Variants in FRG1 observed in about 807,000 individuals in gnomAD.
FRG1 encodes the protein protein FRG1.
Under a neutral mutation model 37.0 loss-of-function variants are expected in FRG1, and 19 were observed. That is an observed-to-expected ratio of 0.51 (90% CI 0.36 to 0.75). The LOEUF (loss-of-function observed/expected upper bound fraction) is 0.75. Ranked by LOEUF, FRG1 falls within the 30% of genes least tolerant of loss-of-function variation. The pLI is 0.00. For missense variants in FRG1, 243 were observed against 301.4 expected, an observed-to-expected ratio of 0.81 and a Z score of 1.44; for synonymous variants, 73 against 96.5, an observed-to-expected ratio of 0.76 and a Z score of 1.43.
intron 5 of FRG1, among the ~76,000 whole-genome samples, chr4:189,956,927 A>C (rs995257191): frequency 6.6e-6 from 1 of 152,228 alleles, no homozygotes; most frequent in African/African-American, 2.4e-5. Context: ...TTCACACACA[A>C]AAGTCCCTCA....
At chr4:189,951,167 G>T (rs1736736672) in intron 2 of FRG1, among the ~76,000 whole-genome samples, 1 of 152,046 alleles carries the variant, frequency 6.6e-6, no homozygotes, top group Admixed American at 6.6e-5. Flanking sequence ...CATAGATTCT[G>T]CTCATTTTAC....
intron 5 of FRG1, among the ~76,000 whole-genome samples, chr4:189,956,937 A>C (rs1167226777): frequency 2.0e-5 from 3 of 152,240 alleles, no homozygotes; most frequent in Non-Finnish European, 4.4e-5. Flanking sequence ...AAAGTCCCTC[A>C]GACATTGATT....
rs775430543 is a variant in FRG1 at position 189,940,969 on chromosome 4, G to C, written c.-41G>C. The C allele has an allele frequency of 1.1e-5, 18 of 1,570,272 alleles. No individual in the cohort carries two copies. In the East Asian group the frequency reaches 3.1e-4, roughly 27 times the overall value. ...CTGCCCCGACTCACATACTCGTCCA[G>C]AACCGGCCTCAGCCTCTCCGCGCAG... On this transcript the variant is annotated 5_prime_UTR_variant, in exon 1 of 9. Transcript: ENST00000226798.
intron 1 of FRG1, chr4:189,941,800 C>T (rs1579613583): frequency 2.4e-6 from 1 of 408,234 alleles, no homozygotes; most frequent in Non-Finnish European, 4.9e-6. Flanking sequence ...AATACCTGTG[C>T]ACTCATATCC....
chr4:189,948,967 C>T (rs1736643574), intron 2 of FRG1, among the ~76,000 whole-genome samples: 1 of 152,242 alleles, frequency 6.6e-6, no homozygotes, highest in African/African-American at 2.4e-5. Flanking sequence ...TGCTGGATTA[C>T]AGGCATGCCA....
In FRG1 at chr4:189,950,824, TAAGTAAA is replaced by T. The variant is rs563682355; in HGVS notation, c.134-1336_134-1330del. Among the ~76,000 whole-genome samples, 79 of 152,330 alleles carry T rather than the reference TAAGTAAA, an allele frequency of 5.2e-4. 1 individual carries two copies. The highest frequency in any genetic ancestry group is 1.9e-3 in the African/African-American group (78 of 41,586). On this transcript the variant is annotated intron_variant, in intron 2 of 8. Coordinates refer to ENST00000226798, the MANE Select transcript of FRG1 (RefSeq NM_004477.3). ...ACACACATTTTTTCTTAGAAAATTT[TAAGTAAA>T]ATCACAGATGTTATGTCATTTTACC... is the stretch of plus-strand genomic sequence containing the variant.
rs187137292 is a variant in FRG1 at position 189,953,357 on chromosome 4, C to T, written c.317+232C>T. Among the ~76,000 whole-genome samples, 16 of 151,974 alleles carry T rather than the reference C, an allele frequency of 1.1e-4. No individual in the cohort carries two copies. The East Asian group carries it at 3.1e-3, about 29-fold the overall frequency. On this transcript the variant is annotated intron_variant, in intron 4 of 8. Coordinates refer to ENST00000226798, the MANE Select transcript of FRG1 (RefSeq NM_004477.3). ...AAGTGAAGATTAATAATTTCACATA[C>T]CGAATAAGATAGATTAAAAAATGAA... is the stretch of plus-strand genomic sequence containing the variant.
rs556495205 is a variant in FRG1, at chr4:189,952,069, TAAG to T, written c.134-89_134-87del. The T allele has an allele frequency of 1.5e-3, 1,319 of 878,182 alleles. 16 individuals carry two copies. The African/African-American group carries it at 0.019, about 13-fold the overall frequency. 54.4% of individuals were successfully genotyped at this position (878,182 alleles called of 1,614,324 possible). A position where few individuals can be genotyped will look rare whatever the true frequency, so the allele number is the denominator to read the frequency against. Reference sequence around the variant, plus strand: ...TGTATTATTTCTTACAACTGCAAAATAAGAAGTTTTTAAAATTAAGTTATAATA... The same window carrying T: ...TGTATTATTTCTTACAACTGCAAAATAAGTTTTTAAAATTAAGTTATAATA... On this transcript the variant is annotated intron_variant, in intron 2 of 8. Transcript: ENST00000226798.
At chr4:189,946,512 T>C (rs1736535926) in intron 2 of FRG1, among the ~76,000 whole-genome samples, 1 of 152,144 alleles carries the variant, frequency 6.6e-6, no homozygotes, top group Non-Finnish European at 1.5e-5. Flanking sequence ...CTTTAACTTA[T>C]TTTCAGTTTA....
chr4:189,941,497 G>A (rs1486796762), intron 1 of FRG1, among the ~76,000 whole-genome samples: 2 of 152,212 alleles, frequency 1.3e-5, no homozygotes, highest in Non-Finnish European at 2.9e-5. Flanking sequence ...AAACCAGGAT[G>A]AATCACACAG....
intron 2 of FRG1, among the ~76,000 whole-genome samples, chr4:189,947,253 G>A (rs957659895): frequency 1.4e-4 from 22 of 152,190 alleles, no homozygotes; most frequent in African/African-American, 5.3e-4. Context: ...TGATAGTTAT[G>A]TTAAAATCTC....
intron 2 of FRG1, among the ~76,000 whole-genome samples, chr4:189,947,561 C>T (rs549715928): frequency 1.3e-5 from 2 of 152,304 alleles, no homozygotes; most frequent in African/African-American, 4.8e-5. Context: ...GCCTCAGCCA[C>T]ATGTTCTAGG....
In FRG1 at chr4:189,955,074, A is replaced by G; in HGVS notation, c.355A>G (p.Ile119Val). 6.2e-7 allele frequency: 1 copy of G among 1,613,412 alleles called. No homozygotes were observed. ...LKSGYGKYLG[I>V]NSDGLVVGRS... Reference sequence around the variant, plus strand: ...GTCTGGCTATGGAAAATATCTTGGTATAAATTCAGATGGACTTGTTGTTGG... The same window carrying G: ...GTCTGGCTATGGAAAATATCTTGGTGTAAATTCAGATGGACTTGTTGTTGG... The change falls in exon 5 of 9, where the codon ATA (isoleucine) becomes GTA (valine). Residue 119 changes from isoleucine (I) to valine (V), a missense_variant. Transcript: ENST00000226798.
intron 2 of FRG1, among the ~76,000 whole-genome samples, chr4:189,951,388 A>G (rs186689616): frequency 7.8e-4 from 118 of 151,840 alleles, no homozygotes; most frequent in African/African-American, 2.7e-3. Flanking sequence ...CTACTCGGGA[A>G]GCTGAGGCAG....
At chr4:189,948,746 A>G (rs956421410) in intron 2 of FRG1, among the ~76,000 whole-genome samples, 5 of 152,292 alleles carry the variant, frequency 3.3e-5, no homozygotes, top group African/African-American at 2.4e-5. Flanking sequence ...GCTGGAGTGC[A>G]GTGACATGAT....
At chr4:189,946,548 A>G (rs1219175726) in intron 2 of FRG1, among the ~76,000 whole-genome samples, 2 of 151,852 alleles carry the variant, frequency 1.3e-5, no homozygotes, top group African/African-American at 2.4e-5. Flanking sequence ...ATTGCTTCTT[A>G]GGAAGGGAGT....
intron 5 of FRG1, among the ~76,000 whole-genome samples, chr4:189,956,358 A>G (rs1215287939): frequency 6.6e-6 from 1 of 152,238 alleles, no homozygotes; most frequent in Non-Finnish European, 1.5e-5. Flanking sequence ...AAAGGCCAAT[A>G]TATCATAAGG....
At position 189,953,144 on chromosome 4, in the gene FRG1, A is replaced by G. The variant is rs763751300; in HGVS notation, c.317+19A>G. ...ATTCCAGGTGAGCTTATGTTGTAATATAATTAGTAACCAGTTATTTTAAAA... is the reference window on the plus strand; with the variant it reads ...ATTCCAGGTGAGCTTATGTTGTAATGTAATTAGTAACCAGTTATTTTAAAA... On this transcript the variant is annotated intron_variant, in intron 4 of 8. Transcript: ENST00000226798. 5.8e-6 allele frequency: 9 copies of G among 1,550,290 alleles called. No individual in the cohort carries two copies. In the Middle Eastern group the frequency reaches 1.7e-3, roughly 288 times the overall value.
At chr4:189,953,017 T>C in intron 3 of FRG1, 51 bp from the exon 4 acceptor site, 1 of 1,525,188 alleles carries the variant, frequency 6.6e-7, no homozygotes, top group East Asian at 2.4e-5. Flanking sequence ...ATAATGTCTT[T>C]ATATTTATAG....
Sources: gnomAD v4.1 joint callset for allele counts (sites outside exome capture counted in the v4.1 genomes callset) on GRCh38, gnomAD v4.1.1 for gene constraint, MANE v1.5 for transcripts, NCBI Gene and HGNC (gene_info 2026-07-23, HGNC 2026-07-21) for gene names.